The following MYBL1 variants were observed in gnomAD, a reference collection of about 807,000 sequenced individuals.
MYBL1 encodes MYB proto-oncogene like 1.
In MYBL1, 17 loss-of-function variants were observed where a neutral mutation model predicts 96.3. The observed-to-expected ratio is 0.18, with a 90% confidence interval of 0.12 to 0.26. MYBL1 has a LOEUF of 0.26. MYBL1 is among the 10% of genes least tolerant of loss of function. The pLI, the probability that MYBL1 is intolerant of heterozygous loss-of-function variation, is 1.00. For missense variants in MYBL1, 701 were observed against 882.9 expected (o/e 0.79, Z 2.61); for synonymous variants, 282 against 292.7 (o/e 0.96, Z 0.37).
At chr8:66,586,402 A>G (rs1809423264) in intron 8 of MYBL1, among the ~76,000 whole-genome samples, 1 of 152,194 alleles carries the variant, frequency 6.6e-6, no homozygotes, top group Admixed American at 6.5e-5. Context: ...AAAAGAAAAC[A>G]TACAAATGGA....
Position 66,576,062 on chromosome 8 carries a change from C to T in MYBL1, c.1415G>A (p.Gly472Asp), listed in dbSNP as rs745457442. ...TGGTGTATGTTTTAGCGCCATATTA[C>T]CACCATCGTTCAATGAGCCATCCCT... The part of the protein sequence containing the change: ...ELRDGSLNDG[G>D]NMALKHTPLK... Residue 472 changes from glycine to aspartate, a missense_variant, in exon 10 of 16, where the codon GGT becomes GAT. Gly to Asp is a moderately conservative substitution (Grantham distance 94). Around this residue, in one of 5 missense-constraint regions of MYBL1, gnomAD observed 396 missense variants for 407.4 expected, o/e 0.97. Transcript: ENST00000522677. The T allele has an allele frequency of 1.2e-6, 2 of 1,613,904 alleles. No homozygotes were observed. Among genetic ancestry groups the T allele is most frequent in the Admixed American group, 1.7e-5 (1 of 60,004 alleles).
intron 1 of MYBL1, among the ~76,000 whole-genome samples, chr8:66,609,128 T>C (rs1428039002): frequency 6.6e-6 from 1 of 152,048 alleles, no homozygotes; most frequent in East Asian, 1.9e-4. Flanking sequence ...TTTACATTGG[T>C]GTACAAGCTA....
At chr8:66,573,124 G>A (rs1808800229) in intron 11 of MYBL1, among the ~76,000 whole-genome samples, 1 of 151,960 alleles carries the variant, frequency 6.6e-6, no homozygotes, top group African/African-American at 2.4e-5. Flanking sequence ...TGAGGCAGGA[G>A]AATCACTTGA....
chr8:66,564,767 G>C lies in MYBL1; in HGVS notation c.2189C>G (p.Thr730Ser). The stretch of plus-strand genomic sequence containing the variant: ...ACTCAGATATCTTCTTGCTTGTTCA[G>C]TCATAATAAGTTGGTCTTCTGTCTT... ...YGKTEDQLIMTEQARRYLSTY... is the reference protein window; with the variant it reads ...YGKTEDQLIMSEQARRYLSTY... The change falls in exon 16 of 16, where the codon ACT (threonine) becomes AGT (serine). Residue 730 changes from threonine to serine, a missense_variant. By Grantham distance (58) the Thr-to-Ser change is moderately conservative. Transcript: ENST00000522677. 1.3e-6 allele frequency: 2 copies of C among 1,583,028 alleles called. No individual in the cohort carries two copies. Among genetic ancestry groups the C allele is most frequent in the Non-Finnish European group, 1.7e-6 (2 of 1,161,014 alleles).
At chr8:66,595,491 G>A (rs1194502901) in intron 6 of MYBL1, 92 bp downstream of exon 6, 7 of 627,622 alleles carry the variant, frequency 1.1e-5, no homozygotes, top group African/African-American at 1.9e-5. Flanking sequence ...CCCTTAATAC[G>A]CATTGTATTT....
intron 1 of MYBL1, among the ~76,000 whole-genome samples, chr8:66,609,541 A>C (rs971332041): frequency 1.9e-4 from 29 of 152,168 alleles, no homozygotes; most frequent in African/African-American, 7.0e-4. Flanking sequence ...TGGTTAATAT[A>C]TGTACTGCAT....
intron 12 of MYBL1, among the ~76,000 whole-genome samples, chr8:66,567,501 A>G (rs1235144964): frequency 6.6e-6 from 1 of 151,578 alleles, no homozygotes; most frequent in Non-Finnish European, 1.5e-5. Context: ...GAGCTGACAC[A>G]GTATCCAAGA....
At chr8:66,603,313 C>G (rs1296794389) in intron 1 of MYBL1, among the ~76,000 whole-genome samples, 1 of 151,940 alleles carries the variant, frequency 6.6e-6, no homozygotes, top group African/African-American at 2.4e-5. Context: ...TTATTGGGGC[C>G]TGACAAATGG....
rs756928202 is a variant in MYBL1, at chr8:66,597,378, T to C, written c.464A>G (p.Lys155Arg). The part of the protein sequence containing the change: ...EEDRIIYEAH[K>R]RLGNRWAEIA... ...TTCTGCCCAACGATTTCCCAACCGC[T>C]TATGTGCTTCATAGATGATCCTGTC... Residue 155 changes from lysine (K) to arginine (R), a missense_variant, in exon 5 of 16, where the codon AAG becomes AGG. By Grantham distance (26) the Lys-to-Arg change is conservative (BLOSUM62 2). Coordinates refer to ENST00000522677, the MANE Select transcript of MYBL1 (RefSeq NM_001080416.4). 1 of 1,611,448 alleles carries C rather than the reference T, an allele frequency of 6.2e-7. No homozygotes were observed. Among genetic ancestry groups the C allele is most frequent in the Non-Finnish European group, 8.5e-7 (1 of 1,178,606 alleles).
rs1808386525 is a variant in MYBL1 at position 66,563,201 on chromosome 8, T to C, written c.*1496A>G. The C allele has an allele frequency of 6.6e-6, 1 of 152,414 alleles. No individual in the cohort carries two copies. The highest frequency in any genetic ancestry group is 6.6e-5 in the Admixed American group (1 of 15,228). The allele number at this position is 152,414 out of a possible 1,614,324, so 9.4% of individuals were successfully genotyped here. On this transcript the variant is annotated 3_prime_UTR_variant, in exon 16 of 16. Coordinates refer to ENST00000522677, the MANE Select transcript of MYBL1 (RefSeq NM_001080416.4). ...TTTTTATCTTTTCACACAGTGCAAG[T>C]GGTGGTCGCTCTTTCCTTCTCTCGT...
chr8:66,592,685 A>G, intron 7 of MYBL1, 141 bp from the exon 8 acceptor site: 1 of 529,536 alleles, frequency 1.9e-6, no homozygotes, highest in Non-Finnish European at 3.2e-6. Flanking sequence ...CTAACTACTC[A>G]TTATCACAAT....
Position 66,576,273 on chromosome 8 carries a change from C to T in MYBL1, c.1204G>A (p.Glu402Lys). 1 of 1,613,988 alleles carries T rather than the reference C, an allele frequency of 6.2e-7. No individual in the cohort carries two copies. The highest frequency in any genetic ancestry group is 8.5e-7 in the Non-Finnish European group (1 of 1,179,890). The change falls in exon 10 of 16, where the codon GAA becomes AAA. Residue 402 changes from glutamate (E) to lysine (K), a missense_variant. By Grantham distance (56) the Glu-to-Lys change is moderately conservative (BLOSUM62 1). Around this residue, in one of 5 missense-constraint regions of MYBL1, gnomAD observed 396 missense variants for 407.4 expected, o/e 0.97. Coordinates refer to ENST00000522677, the MANE Select transcript of MYBL1 (RefSeq NM_001080416.4). ...TTAAATTGGCATTCCATGGCTCCTT[C>T]ATTGTGCTGAATTCTCATTAATTTA... ...PVKLMRIQHN[E>K]GAMECQFNVS... is the part of the protein sequence containing the mutation.
At chr8:66,576,612 A>C (rs1808959617) in intron 9 of MYBL1, among the ~76,000 whole-genome samples, 1 of 152,204 alleles carries the variant, frequency 6.6e-6, no homozygotes, top group African/African-American at 2.4e-5. Flanking sequence ...CTGTCAAAGT[A>C]CTTTAAGAAC....
intron 8 of MYBL1, 81 bp from the exon 9 acceptor site, chr8:66,580,447 G>T: frequency 1.1e-6 from 1 of 916,984 alleles, no homozygotes; most frequent in South Asian, 1.8e-5. Context: ...ATTTCAATTA[G>T]GCTAAAAACA....
At chr8:66,605,071 G>A (rs929435371) in intron 1 of MYBL1, among the ~76,000 whole-genome samples, 13 of 152,088 alleles carry the variant, frequency 8.5e-5, no homozygotes. Context: ...TAAGTGAAAT[G>A]TACTTCAATA....
At chr8:66,579,134 G>A (rs1176936347) in intron 9 of MYBL1, among the ~76,000 whole-genome samples, 3 of 151,818 alleles carry the variant, frequency 2.0e-5, no homozygotes, top group Non-Finnish European at 4.4e-5. Flanking sequence ...AATGCTAAAT[G>A]ACGAGTTAAT....
At position 66,592,424 on chromosome 8, in the gene MYBL1, C is replaced by G. The variant is rs764722549; in HGVS notation, c.867+16G>C. ...TGAAAGATTCTAACAATACAAATAA[C>G]AAGCTTATTTCTTACTGATGGAATT... is the stretch of plus-strand genomic sequence containing the variant. On this transcript the variant is annotated intron_variant, in intron 8 of 15. Transcript: ENST00000522677. 17 of 1,487,738 alleles carry G rather than the reference C, an allele frequency of 1.1e-5. No homozygotes were observed. Among genetic ancestry groups the G allele is most frequent in the African/African-American group, 1.4e-5 (1 of 71,572 alleles). 92.2% of individuals were successfully genotyped at this position (1,487,738 alleles called of 1,614,324 possible).
chr8:66,604,655 G>A (rs1280278553), intron 1 of MYBL1, among the ~76,000 whole-genome samples: 1 of 151,988 alleles, frequency 6.6e-6, no homozygotes, highest in African/African-American at 2.4e-5. Context: ...GTAAAAGACA[G>A]GTAAATGTGA....
intron 3 of MYBL1, among the ~76,000 whole-genome samples, chr8:66,601,411 A>G (rs1213457136): frequency 6.6e-6 from 1 of 152,064 alleles, no homozygotes; most frequent in East Asian, 1.9e-4. Context: ...GAATGTTTTA[A>G]CGTGTATTAG....
Sources: gnomAD v4.1 joint callset for allele counts (sites outside exome capture counted in the v4.1 genomes callset) on GRCh38, gnomAD v4.1.1 for gene constraint, gnomAD v4.1.1 regional missense constraint, MANE v1.5 for transcripts, NCBI Gene and HGNC (gene_info 2026-07-23, HGNC 2026-07-21) for gene names.